Variants in NCKAP5 observed in about 807,000 individuals in gnomAD.
NCKAP5 encodes the protein nck-associated protein 5.
Under a neutral mutation model 167.0 loss-of-function variants are expected in NCKAP5, and 92 were observed. The observed-to-expected ratio is 0.55, with a 90% CI of 0.47 to 0.66. The LOEUF (loss-of-function observed/expected upper bound fraction) is 0.66. Ranked by LOEUF, NCKAP5 falls within the 30% of genes least tolerant of loss-of-function variation. The probability of loss-of-function intolerance (pLI) is 0.00; values close to 1 mark genes in which losing one functional copy is unlikely to be tolerated. For missense variants in NCKAP5, 2,378 were observed against 2,315.0 expected, an observed-to-expected ratio of 1.03 and a Z score of -0.56; for synonymous variants, 891 against 877.4, an observed-to-expected ratio of 1.02 and a Z score of -0.27.
intron 11 of NCKAP5, among the ~76,000 whole-genome samples, chr2:132,858,792 C>T (rs1689661245): frequency 6.6e-6 from 1 of 152,128 alleles, no homozygotes; most frequent in Admixed American, 6.5e-5. Context: ...ATCCCCTGAT[C>T]TCTGAGTATG....
intron 6 of NCKAP5, among the ~76,000 whole-genome samples, chr2:133,128,484 C>T (rs1490400807): frequency 6.6e-6 from 1 of 152,120 alleles, no homozygotes; most frequent in Non-Finnish European, 1.5e-5. Flanking sequence ...CTCATATTAA[C>T]TATAATTGGA....
chr2:133,178,718 G>A (rs925725981), intron 5 of NCKAP5, among the ~76,000 whole-genome samples: 1 of 149,302 alleles, frequency 6.7e-6, no homozygotes, highest in Non-Finnish European at 1.5e-5. Context: ...CCAGCTACTC[G>A]GGAGGCTGAG....
intron 3 of NCKAP5, among the ~76,000 whole-genome samples, chr2:133,333,624 T>C (rs1371230225): frequency 6.6e-6 from 1 of 152,198 alleles, no homozygotes; most frequent in African/African-American, 2.4e-5. Context: ...GGTGACAATC[T>C]AGCATCTTCC....
At chr2:132,870,531 T>A (rs1329218123) in intron 9 of NCKAP5, among the ~76,000 whole-genome samples, 1 of 152,108 alleles carries the variant, frequency 6.6e-6, no homozygotes, top group African/African-American at 2.4e-5. Context: ...TGGGCCATGG[T>A]CCTTGACTTC....
chr2:133,045,976 A>G (rs2079386151), intron 6 of NCKAP5, among the ~76,000 whole-genome samples: 1 of 152,198 alleles, frequency 6.6e-6, no homozygotes, highest in Non-Finnish European at 1.5e-5. Flanking sequence ...GCAATGACTA[A>G]CAGGTGGGTA....
intron 4 of NCKAP5, among the ~76,000 whole-genome samples, chr2:133,253,410 A>G (rs1002180393): frequency 2.0e-5 from 3 of 152,200 alleles, no homozygotes; most frequent in Non-Finnish European, 4.4e-5. Context: ...ATATCCCACA[A>G]ATTAAGTAAA....
At chr2:133,005,468 T>G (rs960637163) in intron 6 of NCKAP5, among the ~76,000 whole-genome samples, 4 of 152,234 alleles carry the variant, frequency 2.6e-5, no homozygotes, top group East Asian at 1.9e-4. Flanking sequence ...TTCAGTCTCA[T>G]GAGCTCATCT....
At position 132,784,726 on chromosome 2, in the gene NCKAP5, C is replaced by T. The variant is rs373612346; in HGVS notation, c.2085G>A (p.Glu695=). ...QTGVVTVTRN[E]ISINSTPAGP... ...CAGCAGGAGTTGAATTGATGGAAAT[C>T]TCATTTCTGGTAACAGTGACAACCC... Residue 695 remains glutamate (E), a synonymous_variant, in exon 14 of 20, where the codon GAG becomes GAA. Coordinates refer to ENST00000409261, the MANE Select transcript of NCKAP5 (RefSeq NM_207363.3). The T allele has an allele frequency of 3.1e-5, 50 of 1,613,866 alleles. No homozygotes were observed. The highest frequency in any genetic ancestry group is 4.0e-5 in the Non-Finnish European group (47 of 1,179,884).
chr2:133,220,240 G>A (rs1559283783), intron 4 of NCKAP5, among the ~76,000 whole-genome samples: 1 of 152,142 alleles, frequency 6.6e-6, no homozygotes, highest in Non-Finnish European at 1.5e-5. Flanking sequence ...TATGAAGTGG[G>A]TATTGACTTT....
intron 3 of NCKAP5, among the ~76,000 whole-genome samples, chr2:133,382,709 T>A (rs967906630): frequency 2.0e-5 from 3 of 152,212 alleles, no homozygotes; most frequent in African/African-American, 7.2e-5. Flanking sequence ...TACTCTCTCA[T>A]GAATAAGCAT....
rs1013849307 is a variant in NCKAP5, at chr2:133,342,087, C to T, written c.70-38977G>A. Among the ~76,000 whole-genome samples the T allele has an allele frequency of 1.2e-4, 18 of 152,086 alleles. No homozygotes were observed. The South Asian group carries it at 1.2e-3, about 11-fold the overall frequency. ...CAGAGTAGCTGGGACTACAGGTGCC[C>T]GCCACCATGCCCAGCTAATTTTTTT... On this transcript the variant is annotated intron_variant, in intron 3 of 19. Coordinates refer to ENST00000409261, the MANE Select transcript of NCKAP5 (RefSeq NM_207363.3).
At chr2:133,374,826 T>C (rs769425383) in intron 3 of NCKAP5, among the ~76,000 whole-genome samples, 13 of 152,206 alleles carry the variant, frequency 8.5e-5, no homozygotes, top group South Asian at 2.1e-4. Context: ...CTTCAAAGTA[T>C]AGTAAAAGCC....
At chr2:133,117,038 A>C (rs1404800708) in intron 6 of NCKAP5, 1 of 152,218 alleles carries the variant, frequency 6.6e-6, no homozygotes, top group Non-Finnish European at 1.5e-5. Context: ...AATACATCCA[A>C]GCAGTATGAA....
In NCKAP5 at chr2:133,189,979, A is replaced by G. The variant is rs551660569; in HGVS notation, c.207+23737T>C. 8.9e-4 allele frequency among the ~76,000 whole-genome samples: 135 copies of G among 152,330 alleles called. 1 individual carries two copies. The highest frequency in any genetic ancestry group is 2.9e-3 in the African/African-American group (120 of 41,578). On this transcript the variant is annotated intron_variant, in intron 5 of 19. Transcript: ENST00000409261. ...TATTCAATTAGGAAAAGAGGAAGTC[A>G]AATTGTCCCTGTTTGCAGATGACAT...
intron 3 of NCKAP5, among the ~76,000 whole-genome samples, chr2:133,380,926 T>C (rs532162555): frequency 9.2e-5 from 14 of 152,300 alleles, no homozygotes; most frequent in African/African-American, 2.6e-4. Context: ...ATTTTACATA[T>C]ACTGCAGGAA....
At chr2:132,965,808 G>A (rs2076643102) in intron 7 of NCKAP5, among the ~76,000 whole-genome samples, 2 of 151,970 alleles carry the variant, frequency 1.3e-5, no homozygotes, top group Non-Finnish European at 2.9e-5. Context: ...AAGTATTTGT[G>A]TATCTAAACA....
intron 6 of NCKAP5, among the ~76,000 whole-genome samples, chr2:133,003,538 G>T (rs999853043): frequency 2.0e-5 from 3 of 152,186 alleles, no homozygotes; most frequent in Admixed American, 6.5e-5. Flanking sequence ...CAGGTTGGTT[G>T]TCACTTGGAT....
chr2:133,616,030 A>C, the NCKAP5 span, among the ~76,000 whole-genome samples: 3 of 150,928 alleles, frequency 2.0e-5, no homozygotes, highest in Non-Finnish European at 4.4e-5. Flanking sequence ...TGGAAACTGA[A>C]CAACCTGCTC....
chr2:132,840,729 T>A (rs1252152868), intron 11 of NCKAP5, among the ~76,000 whole-genome samples: 1 of 152,212 alleles, frequency 6.6e-6, no homozygotes, highest in Non-Finnish European at 1.5e-5. Flanking sequence ...TTTTCTTGAC[T>A]GCCAATGGCA....
Sources: gnomAD v4.1 joint callset for allele counts (sites outside exome capture counted in the v4.1 genomes callset) on GRCh38, gnomAD v4.1.1 for gene constraint, MANE v1.5 for transcripts, NCBI Gene and HGNC (gene_info 2026-07-23, HGNC 2026-07-21) for gene names.